EEF1D: variants seen among roughly 807,000 people sequenced by gnomAD.
The protein encoded by EEF1D is eukaryotic translation elongation factor 1 delta.
A neutral mutation model predicts 63.9 loss-of-function variants in EEF1D; 47 were observed. The ratio of observed to expected loss-of-function variants is 0.74; its 90% confidence interval spans 0.58 to 0.94. EEF1D has a LOEUF of 0.94. EEF1D is among the 40% of genes least tolerant of loss of function. The pLI is 0.00. For missense variants in EEF1D, 907 were observed against 899.0 expected (o/e 1.01, Z -0.11); for synonymous variants, 412 against 386.1 (o/e 1.07, Z -0.79).
chr8:143,589,954 G>A lies in EEF1D; in HGVS notation c.128C>T (p.Pro43Leu). The A allele has an allele frequency of 6.3e-7, 1 of 1,598,912 alleles. No homozygotes were observed. The highest frequency in any genetic ancestry group is 8.5e-7 in the Non-Finnish European group (1 of 1,179,080). Residue 43 changes from proline to leucine, a missense_variant, in exon 3 of 10, where the codon CCA (proline) becomes CTA (leucine). Physicochemically the swap from Pro to Leu is moderately conservative, Grantham distance 98. Transcript: ENST00000618139. ...CCCATTCATGGCTGGCCCCTCGGCTGGCAGCTGCTGGGCGGAGGCGGCCGC... is the reference window on the plus strand; with the variant it reads ...CCCATTCATGGCTGGCCCCTCGGCTAGCAGCTGCTGGGCGGAGGCGGCCGC... ...TQAAASAQQL[P>L]AEGPAMNGPG...
chr8:143,584,429 T>C (rs1299489731), intron 5 of EEF1D, among the ~76,000 whole-genome samples: 1 of 150,570 alleles, frequency 6.6e-6, no homozygotes, highest in Non-Finnish European at 1.5e-5. Flanking sequence ...CAGCTGGGCT[T>C]GGTGGCAGAC....
At position 143,589,106 on chromosome 8, in the gene EEF1D, C is replaced by T. The variant is rs1191022997; in HGVS notation, c.976G>A (p.Glu326Lys). 5 of 1,609,782 alleles carry T rather than the reference C, an allele frequency of 3.1e-6. No homozygotes were observed. The highest frequency in any genetic ancestry group is 1.1e-5 in the South Asian group (1 of 90,680). ...WLSKPAYDSA[E>K]CRHHAAEALR... Reference sequence around the variant, plus strand: ...GCCTCGGCAGCGTGGTGGCGGCACTCGGCGCTGTCGTAGGCAGGCTTGCTG... The same window carrying T: ...GCCTCGGCAGCGTGGTGGCGGCACTTGGCGCTGTCGTAGGCAGGCTTGCTG... The change falls in exon 3 of 10, where the codon GAG becomes AAG. Residue 326 changes from glutamate (E) to lysine (K), a missense_variant. Transcript: ENST00000618139.
At chr8:143,583,984 G>A (rs924449446) in intron 5 of EEF1D, 4 of 152,234 alleles carry the variant, frequency 2.6e-5, no homozygotes, top group East Asian at 3.8e-4. Context: ...AAGAGACAAG[G>A]AAGCGGATTC....
At chr8:143,586,333 A>G in intron 4 of EEF1D, 43 bp from the exon 5 acceptor site, 1 of 1,464,880 alleles carries the variant, frequency 6.8e-7, no homozygotes, top group African/African-American at 1.4e-5. Flanking sequence ...TTTATTATTA[A>G]AAAAGAATTT....
intron 5 of EEF1D, among the ~76,000 whole-genome samples, chr8:143,585,425 C>T (rs544913709): frequency 1.3e-5 from 2 of 152,300 alleles, no homozygotes; most frequent in African/African-American, 2.4e-5. Context: ...GGAAGGATGG[C>T]GACCTTGCTG....
At chr8:143,588,934 T>G in intron 3 of EEF1D, 57 bp downstream of exon 3, 1 of 1,534,832 alleles carries the variant, frequency 6.5e-7, no homozygotes, top group Non-Finnish European at 8.7e-7. Flanking sequence ...CAGCCTGGGA[T>G]GGCTGTCCCT....
At chr8:143,583,543 G>A (rs1365263006) in intron 5 of EEF1D, 1 of 152,256 alleles carries the variant, frequency 6.6e-6, no homozygotes, top group Non-Finnish European at 1.5e-5. Context: ...CCTGGACTTG[G>A]TCAGGTGCCT....
chr8:143,579,871 A>G, intron 9 of EEF1D, 41 bp from the exon 10 acceptor site: 1 of 1,540,500 alleles, frequency 6.5e-7, no homozygotes. Flanking sequence ...CTGTTCCCCT[A>G]CAGCCCACTC....
At chr8:143,596,239 G>GGA (rs961123059) in intron 1 of EEF1D, 2 of 152,328 alleles carry the variant, frequency 1.3e-5, no homozygotes, top group Admixed American at 1.3e-4. Flanking sequence ...GCAGCCCAGG[G>GGA]GAGATGCTGC....
At chr8:143,586,601 A>G in intron 4 of EEF1D, 128 bp downstream of exon 4, 1 of 1,358,272 alleles carries the variant, frequency 7.4e-7, no homozygotes, top group East Asian at 2.4e-5. Context: ...CCCCACTCCC[A>G]GCACCCACAG....
rs149825864 is a variant in EEF1D, at chr8:143,586,807, G to A, written c.1137C>T (p.Phe379=). ...TNFLAHEKIW[F]DKFKYDDAER... ...CTGCGTCGTCATATTTGAACTTGTC[G>A]AACCAGATCTTCTCATGTGCTAGGA... The change falls in exon 4 of 10, where the codon TTC becomes TTT. Residue 379 remains phenylalanine (F), a synonymous_variant. Coordinates refer to ENST00000618139, the MANE Select transcript of EEF1D (RefSeq NM_001130053.5). 1.8e-5 allele frequency: 29 copies of A among 1,614,064 alleles called. No homozygotes were observed. The highest frequency in any genetic ancestry group is 2.0e-5 in the Non-Finnish European group (24 of 1,180,032).
chr8:143,587,905 C>CCT (rs1314788636), intron 3 of EEF1D, among the ~76,000 whole-genome samples: 2 of 152,286 alleles, frequency 1.3e-5, no homozygotes, highest in East Asian at 3.9e-4. Flanking sequence ...TGGCCAAGAC[C>CCT]CTCTTACTGT....
rs746820089 is a variant in EEF1D at position 143,589,010 on chromosome 8, C to T, written c.1072G>A (p.Val358Met). ...HRPGPRSGLS[V>M]SSLRPNRKMA... is the part of the protein sequence containing the mutation. Reference sequence around the variant, plus strand: ...TCCTACTTGGGTCTCAGGCTGGACACGGACAGGCCAGACCGAGGACCGGGT... The same window carrying T: ...TCCTACTTGGGTCTCAGGCTGGACATGGACAGGCCAGACCGAGGACCGGGT... Residue 358 changes from valine to methionine, a missense_variant, in exon 3 of 10, where the codon GTG (valine) becomes ATG (methionine). Physicochemically the swap from Val to Met is conservative, Grantham distance 21. Coordinates refer to ENST00000618139, the MANE Select transcript of EEF1D (RefSeq NM_001130053.5). 7.8e-5 allele frequency: 124 copies of T among 1,597,956 alleles called. No homozygotes were observed. Among genetic ancestry groups the T allele is most frequent in the Non-Finnish European group, 8.7e-5 (103 of 1,179,332 alleles).
chr8:143,591,077 C>T (rs1827871151), intron 2 of EEF1D, among the ~76,000 whole-genome samples: 2 of 152,216 alleles, frequency 1.3e-5, no homozygotes, highest in Non-Finnish European at 2.9e-5. Flanking sequence ...GCTCTAGGCT[C>T]TCTATCAGCT....
intron 2 of EEF1D, 97 bp from the exon 3 acceptor site, chr8:143,590,178 CGTGGCTGCCCTCCCT>C: frequency 5.2e-6 from 8 of 1,543,816 alleles, no homozygotes; most frequent in Middle Eastern, 1.7e-4. Flanking sequence ...CCGCCCTCCC[CGTGGCTGCCCTCCCT>C]GGGCAGGGGC....
rs764663548 is a variant in EEF1D, at chr8:143,589,691, C to A, written c.391G>T (p.Asp131Tyr). ...AESSYRQKLA[D>Y]VAAQAAWPPA... ...GGCCAGGCTGCCTGGGCAGCCACAT[C>A]TGCCAGCTTCTGGCGGTAGGAGCTC... is the stretch of plus-strand genomic sequence containing the variant. Residue 131 changes from aspartate (D) to tyrosine (Y), a missense_variant, in exon 3 of 10, where the codon GAT becomes TAT. By Grantham distance (160) the Asp-to-Tyr change is radical (BLOSUM62 -3). Coordinates refer to ENST00000618139, the MANE Select transcript of EEF1D (RefSeq NM_001130053.5). The A allele has an allele frequency of 2.0e-6, 3 of 1,527,756 alleles. No homozygotes were observed. Among genetic ancestry groups the A allele is most frequent in the Non-Finnish European group, 2.6e-6 (3 of 1,137,038 alleles). 94.6% of individuals were successfully genotyped at this position (1,527,756 alleles called of 1,614,324 possible). A position where few individuals can be genotyped will look rare whatever the true frequency, so the allele number is the denominator to read the frequency against.
intron 7 of EEF1D, 26 bp downstream of exon 7, chr8:143,581,028 G>A (rs767135826): frequency 5.0e-6 from 8 of 1,605,812 alleles, no homozygotes; most frequent in Middle Eastern, 2.2e-4. Flanking sequence ...GTCCCCTGCA[G>A]TGTCAGGCGT....
In EEF1D at chr8:143,580,559, C is replaced by T. The variant is rs1825253513; in HGVS notation, c.1657G>A (p.Ala553Thr). 1.2e-6 allele frequency: 2 copies of T among 1,613,214 alleles called. No individual in the cohort carries two copies. The highest frequency in any genetic ancestry group is 8.5e-7 in the Non-Finnish European group (1 of 1,179,864). The change falls in exon 8 of 10, where the codon GCC (alanine) becomes ACC (threonine). Residue 553 changes from alanine to threonine, a missense_variant. Coordinates refer to ENST00000618139, the MANE Select transcript of EEF1D (RefSeq NM_001130053.5). ...TTGGCCACCAGTGCAGGCTTCTTGG[C>T]CTTCTTCTCCGCGTACTGCCGTAGC... is the stretch of plus-strand genomic sequence containing the variant. ...ERLRQYAEKKAKKPALVAKSS... is the reference protein window; with the variant it reads ...ERLRQYAEKKTKKPALVAKSS...
intron 1 of EEF1D, chr8:143,594,398 G>T: frequency 2.0e-5 from 1 of 51,030 alleles, no homozygotes. Flanking sequence ...CCTGGGAGCA[G>T]CCCCGGCAGA....
Sources: gnomAD v4.1 joint callset for allele counts (sites outside exome capture counted in the v4.1 genomes callset) on GRCh38, gnomAD v4.1.1 for gene constraint, MANE v1.5 for transcripts, NCBI Gene and HGNC (gene_info 2026-07-23, HGNC 2026-07-21) for gene names.